Variants in ZNF331 observed in about 807,000 individuals in gnomAD.
The protein encoded by ZNF331 is zinc finger protein 331, also known as C2H2-like zinc finger protein rearranged in thyroid adenomas.
In ZNF331, 2 loss-of-function variants were observed where a neutral mutation model predicts 7.0. That is an observed-to-expected ratio of 0.29 (90% CI 0.12 to 0.90). The LOEUF (loss-of-function observed/expected upper bound fraction) is 0.90. ZNF331 is among the 40% of genes least tolerant of loss of function. The pLI is 0.58. For missense variants in ZNF331, 432 were observed against 587.7 expected, an observed-to-expected ratio of 0.74 and a Z score of 2.74; for synonymous variants, 196 against 205.4, an observed-to-expected ratio of 0.95 and a Z score of 0.39.
upstream of ZNF331, among the ~76,000 whole-genome samples, chr19:53,520,505 G>T (rs367869826): frequency 1.3e-5 from 2 of 152,208 alleles, no homozygotes; most frequent in Non-Finnish European, 2.9e-5. Context: ...AAGTTTCAGG[G>T]CAGGAGAAGG....
the ZNF331 span, among the ~76,000 whole-genome samples, chr19:53,507,146 G>A: frequency 6.6e-6 from 1 of 152,138 alleles, no homozygotes; most frequent in Non-Finnish European, 1.5e-5. Context: ...GACAAAAGTT[G>A]TAGATGACAA....
chr19:53,559,856 A>C (rs554428930), intron 3 of ZNF331, among the ~76,000 whole-genome samples: 1 of 151,574 alleles, frequency 6.6e-6, no homozygotes, highest in East Asian at 1.9e-4. Flanking sequence ...ACACATATAC[A>C]TACCATACAC....
At chr19:53,572,748 G>A (rs1453880905) in intron 5 of ZNF331, among the ~76,000 whole-genome samples, 8 of 151,846 alleles carry the variant, frequency 5.3e-5, no homozygotes, top group African/African-American at 1.9e-4. Flanking sequence ...ACAGGCAGAT[G>A]AGACAGGCAC....
chr19:53,517,369 G>C (rs2086927805), upstream of ZNF331, among the ~76,000 whole-genome samples: 1 of 151,968 alleles, frequency 6.6e-6, no homozygotes, highest in Non-Finnish European at 1.5e-5. Flanking sequence ...AGCAGATAAG[G>C]ACATAAACAA....
chr19:53,509,103 G>A, the ZNF331 span, among the ~76,000 whole-genome samples: 1 of 152,088 alleles, frequency 6.6e-6, no homozygotes, highest in African/African-American at 2.4e-5. Context: ...CAGATGACAG[G>A]GCAGGTGCTG....
At chr19:53,517,783 A>T (rs2086938255), upstream of ZNF331, among the ~76,000 whole-genome samples, 1 of 152,210 alleles carries the variant, frequency 6.6e-6, no homozygotes, top group South Asian at 2.1e-4. Flanking sequence ...CCAACAGTGC[A>T]GCCTTCAGCC....
chr19:53,530,611 T>G (rs2087499620), intron 2 of ZNF331, among the ~76,000 whole-genome samples: 1 of 152,194 alleles, frequency 6.6e-6, no homozygotes, highest in African/African-American at 2.4e-5. Flanking sequence ...AAGGACAAGT[T>G]CAGAGGTAAA....
rs912960376 is a variant in ZNF331, at chr19:53,578,261, A to C, written c.*309A>C. ...TCCCAGCATCACAGTGCCTGTGCCC[A>C]AGCAGTCCTCACTTTGCTTAACAGT... On this transcript the variant is annotated 3_prime_UTR_variant, in exon 6 of 6. Transcript: ENST00000449416. The C allele has an allele frequency of 9.4e-5, 32 of 340,208 alleles. No homozygotes were observed. The Admixed American group carries it at 1.2e-3, about 13-fold the overall frequency. The allele number at this position is 340,208 out of a possible 1,614,324, so 21.1% of individuals were successfully genotyped here. A position where few individuals can be genotyped will look rare whatever the true frequency, so the allele number is the denominator to read the frequency against.
intron 3 of ZNF331, among the ~76,000 whole-genome samples, chr19:53,562,219 T>G (rs1407598879): frequency 6.6e-6 from 1 of 152,182 alleles, no homozygotes; most frequent in African/African-American, 2.4e-5. Context: ...CAGTAATCAC[T>G]GATAAATTCT....
At chr19:53,551,696 AT>A (rs1221393493) in intron 2 of ZNF331, among the ~76,000 whole-genome samples, 1 of 152,198 alleles carries the variant, frequency 6.6e-6, no homozygotes, top group East Asian at 1.9e-4. Flanking sequence ...AGATGCTAAC[AT>A]CTGTATTGAA....
chr19:53,518,800 A>G (rs1186340906), upstream of ZNF331, among the ~76,000 whole-genome samples: 1 of 152,194 alleles, frequency 6.6e-6, no homozygotes, highest in Non-Finnish European at 1.5e-5. Flanking sequence ...TTGGTCTTGC[A>G]AGAAGTCTTT....
chr19:53,532,763 T>C (rs1271669918), intron 2 of ZNF331, among the ~76,000 whole-genome samples: 2 of 152,232 alleles, frequency 1.3e-5, no homozygotes, highest in Non-Finnish European at 2.9e-5. Context: ...GTTGTGTGTT[T>C]CTAGGAATTA....
chr19:53,510,567 C>G, the ZNF331 span, among the ~76,000 whole-genome samples: 1 of 151,970 alleles, frequency 6.6e-6, no homozygotes, highest in South Asian at 2.1e-4. Flanking sequence ...GTGAGCTCCA[C>G]CCATCTATCA....
intron 3 of ZNF331, among the ~76,000 whole-genome samples, chr19:53,564,074 CTT>C (rs1205257105): frequency 0.12 from 11,488 of 94,794 alleles, 1,613 homozygotes; most frequent in African/African-American, 0.31. Context: ...AGCCTGCATT[CTT>C]TTTTTTTTTT....
chr19:53,542,027 C>G (rs1166696996), intron 2 of ZNF331, among the ~76,000 whole-genome samples: 1 of 151,910 alleles, frequency 6.6e-6, no homozygotes, highest in African/African-American at 2.4e-5. Context: ...AAAAAAACAT[C>G]TGAAATGGTA....
At chr19:53,565,893 A>G (rs1186787806) in intron 3 of ZNF331, among the ~76,000 whole-genome samples, 1 of 152,198 alleles carries the variant, frequency 6.6e-6, no homozygotes, top group Non-Finnish European at 1.5e-5. Flanking sequence ...GCCTCTGACT[A>G]CATTTCAAAT....
chr19:53,546,600 T>C (rs2088635568), intron 2 of ZNF331, among the ~76,000 whole-genome samples: 1 of 151,414 alleles, frequency 6.6e-6, no homozygotes, highest in African/African-American at 2.4e-5. Context: ...TATTTTACAG[T>C]GTGCTTGGGT....
the ZNF331 span, among the ~76,000 whole-genome samples, chr19:53,512,862 G>A: frequency 6.7e-6 from 1 of 149,886 alleles, no homozygotes; most frequent in African/African-American, 2.4e-5. Context: ...ATCTCAGGTG[G>A]AACAGTTTAA....
the ZNF331 span, among the ~76,000 whole-genome samples, chr19:53,505,720 C>T: frequency 2.0e-5 from 3 of 152,088 alleles, no homozygotes; most frequent in Admixed American, 6.5e-5. Context: ...GGCGTGGTGG[C>T]TCACGCCTGT....
Sources: gnomAD v4.1 joint callset for allele counts (sites outside exome capture counted in the v4.1 genomes callset) on GRCh38, gnomAD v4.1.1 for gene constraint, MANE v1.5 for transcripts, NCBI Gene and HGNC (gene_info 2026-07-23, HGNC 2026-07-21) for gene names.